TRAPPC10: variants seen among roughly 807,000 people sequenced by gnomAD.
TRAPPC10 encodes trafficking protein particle complex subunit 10, also known as TRAPP 130 kDa subunit.
TRAPPC10 carries 23 observed loss-of-function variants against 125.5 expected under a neutral mutation model. The observed-to-expected ratio is 0.18, with a 90% CI of 0.13 to 0.26. The LOEUF is 0.26. TRAPPC10 is among the 10% of genes least tolerant of loss of function. The pLI is 1.00. For synonymous variants in TRAPPC10, 509 were observed against 518.0 expected, an observed-to-expected ratio of 0.98 and a Z score of 0.24; for missense variants, 1,123 against 1,308.4, an observed-to-expected ratio of 0.86 and a Z score of 2.19.
intron 3 of TRAPPC10, chr21:44,047,098 T>C (rs1039077922): frequency 3.2e-6 from 2 of 632,156 alleles, no homozygotes; most frequent in Non-Finnish European, 6.0e-6. Context: ...ATCAGACCCA[T>C]GGCGAGATCC....
intron 7 of TRAPPC10, among the ~76,000 whole-genome samples, chr21:44,073,354 A>G (rs970274143): frequency 3.3e-5 from 5 of 152,176 alleles, no homozygotes; most frequent in African/African-American, 1.2e-4. Context: ...ACATTTCACC[A>G]AAACTAGGAC....
chr21:44,095,229 T>TTTTATTTA lies in TRAPPC10; in HGVS notation c.3168+1020_3168+1027dup, dbSNP rs200168527. On this transcript the variant is annotated intron_variant, in intron 20 of 22. Transcript: ENST00000291574. The stretch of plus-strand genomic sequence containing the variant: ...CACCTGGCTAATTATTTTTATTTTA[T>TTTTATTTA]TTTATTTATTTATTTATTTATTTAT... Among the ~76,000 whole-genome samples, 1,202 of 149,992 alleles carry TTTTATTTA rather than the reference T, an allele frequency of 8.0e-3. 13 individuals carry two copies. The highest frequency in any genetic ancestry group is 0.013 in the African/African-American group (546 of 40,866).
intron 5 of TRAPPC10, among the ~76,000 whole-genome samples, chr21:44,057,062 G>A (rs1054245036): frequency 4.6e-5 from 7 of 152,100 alleles, no homozygotes; most frequent in African/African-American, 1.4e-4. Flanking sequence ...ACATGATGCC[G>A]AGTGAAATAA....
chr21:44,015,526 T>G (rs1449519248), intron 1 of TRAPPC10, among the ~76,000 whole-genome samples: 1 of 152,140 alleles, frequency 6.6e-6, no homozygotes, highest in Non-Finnish European at 1.5e-5. Context: ...GACCCCTCCC[T>G]TAGCCTGCCA....
intron 7 of TRAPPC10, among the ~76,000 whole-genome samples, chr21:44,069,825 A>G (rs2145977079): frequency 6.6e-6 from 1 of 152,168 alleles, no homozygotes; most frequent in African/African-American, 2.4e-5. Context: ...GATGAACGTG[A>G]ATGGGTCGTA....
intron 1 of TRAPPC10, among the ~76,000 whole-genome samples, 191 bp downstream of exon 1, chr21:44,012,751 C>A (rs1208041246): frequency 1.3e-5 from 2 of 152,060 alleles, no homozygotes; most frequent in Admixed American, 6.5e-5. Flanking sequence ...ACCTTCCCGC[C>A]GGGCGACCTC....
At chr21:44,056,841 A>G (rs2035630246) in intron 5 of TRAPPC10, among the ~76,000 whole-genome samples, 1 of 152,194 alleles carries the variant, frequency 6.6e-6, no homozygotes, top group Non-Finnish European at 1.5e-5. Flanking sequence ...CTATTTAGTT[A>G]ATAGTATTAT....
At position 44,032,379 on chromosome 21, in the gene TRAPPC10, C is replaced by CTTT. The variant is rs1200011844; in HGVS notation, c.149+226_149+228dup. 7.7e-3 allele frequency among the ~76,000 whole-genome samples: 835 copies of CTTT among 108,388 alleles called. 12 individuals carry two copies. The highest frequency in any genetic ancestry group is 0.022 in the Admixed American group (209 of 9,598). 71.1% of individuals were successfully genotyped at this position (108,388 alleles called of 152,430 possible). ...ATTCTTTATGGAATGCCATGGTTTT[C>CTTT]TTTTTTTTTTTTTTTTTTTTTGAGA... On this transcript the variant is annotated intron_variant, in intron 2 of 22. Transcript: ENST00000291574.
chr21:44,072,358 G>A (rs2036938349), intron 7 of TRAPPC10, among the ~76,000 whole-genome samples: 2 of 152,172 alleles, frequency 1.3e-5, no homozygotes, highest in African/African-American at 2.4e-5. Context: ...CCGCGGCTCC[G>A]CTGCTGTGGC....
rs1473176490 is a variant in TRAPPC10 at position 44,083,045 on chromosome 21, A to T, written c.1981A>T (p.Thr661Ser). 1 of 1,613,792 alleles carries T rather than the reference A, an allele frequency of 6.2e-7. No individual in the cohort carries two copies. The highest frequency in any genetic ancestry group is 8.5e-7 in the Non-Finnish European group (1 of 1,179,996). Residue 661 changes from threonine to serine, a missense_variant, in exon 14 of 23, where the codon ACC (threonine) becomes TCC (serine). Around this residue, in one of 4 missense-constraint regions of TRAPPC10, gnomAD observed 840 missense variants for 902.0 expected, o/e 0.93. Transcript: ENST00000291574. Reference sequence around the variant, plus strand: ...TGGGATCATTAACTTTCCACCCGAGACCGCACCTTTCCCTGTATCCCAAAA... The same window carrying T: ...TGGGATCATTAACTTTCCACCCGAGTCCGCACCTTTCCCTGTATCCCAAAA... Reference protein sequence around the residue: ...SNGIINFPPETAPFPVSQNSL... With the variant: ...SNGIINFPPESAPFPVSQNSL...
chr21:44,093,369 C>G (rs2038713707), intron 19 of TRAPPC10, among the ~76,000 whole-genome samples: 1 of 151,962 alleles, frequency 6.6e-6, no homozygotes, highest in Admixed American at 6.6e-5. Context: ...GTGAGAAGAT[C>G]TCTTGAACCT....
chr21:44,023,196 C>G (rs754657208), intron 1 of TRAPPC10, among the ~76,000 whole-genome samples: 4 of 151,708 alleles, frequency 2.6e-5, no homozygotes, highest in Admixed American at 6.6e-5. Context: ...CCACGCCGGG[C>G]TAATTTTTTG....
At chr21:44,090,740 C>A (rs1328818516) in intron 18 of TRAPPC10, among the ~76,000 whole-genome samples, 1 of 152,160 alleles carries the variant, frequency 6.6e-6, no homozygotes, top group African/African-American at 2.4e-5. Context: ...ACTTTTTATC[C>A]ATTGATGATG....
intron 4 of TRAPPC10, among the ~76,000 whole-genome samples, chr21:44,053,263 A>G (rs2035346673): frequency 1.3e-5 from 2 of 152,142 alleles, no homozygotes; most frequent in African/African-American, 4.8e-5. Flanking sequence ...AACTCTTAGT[A>G]TTTTGGTATG....
chr21:44,074,245 C>A, intron 7 of TRAPPC10, 79 bp from the exon 8 acceptor site: 3 of 1,574,812 alleles, frequency 1.9e-6, no homozygotes, highest in Non-Finnish European at 1.7e-6. Flanking sequence ...TTTGCACGTT[C>A]AAGCTAGAGC....
intron 1 of TRAPPC10, among the ~76,000 whole-genome samples, chr21:44,030,259 G>A (rs956004403): frequency 6.6e-6 from 1 of 152,060 alleles, no homozygotes; most frequent in Non-Finnish European, 1.5e-5. Flanking sequence ...GTGTGTGTGT[G>A]TGTGTTTGTA....
intron 1 of TRAPPC10, among the ~76,000 whole-genome samples, chr21:44,014,281 G>C (rs1026814139): frequency 6.6e-6 from 1 of 152,092 alleles, no homozygotes; most frequent in Non-Finnish European, 1.5e-5. Context: ...TTGTACATGC[G>C]TGCATCACGG....
chr21:44,079,993 G>A lies in TRAPPC10; in HGVS notation c.1611-22G>A, dbSNP rs141842336. On this transcript the variant is annotated intron_variant, in intron 12 of 22. Transcript: ENST00000291574. ...CACTCCTAAGTATGAGCCTCTCCAC[G>A]CTCCTTACCTCTCCGCTCCAGCTAC... 5.0e-6 allele frequency: 8 copies of A among 1,604,104 alleles called. No homozygotes were observed. The Admixed American group carries it at 5.0e-5, about 10-fold the overall frequency.
intron 4 of TRAPPC10, 23 bp from the exon 5 acceptor site, chr21:44,055,675 A>G (rs2035537948): frequency 1.3e-6 from 2 of 1,565,518 alleles, no homozygotes; most frequent in South Asian, 2.3e-5. Flanking sequence ...TCTTTCCCAG[A>G]TAGTCTGTTC....
Sources: gnomAD v4.1 joint callset for allele counts (sites outside exome capture counted in the v4.1 genomes callset) on GRCh38, gnomAD v4.1.1 for gene constraint, gnomAD v4.1.1 regional missense constraint, MANE v1.5 for transcripts, NCBI Gene and HGNC (gene_info 2026-07-23, HGNC 2026-07-21) for gene names.